The following SLC35F1 variants were observed in gnomAD, a reference collection of about 807,000 sequenced individuals.
SLC35F1 encodes solute carrier family 35 member F1.
A neutral mutation model predicts 48.7 loss-of-function variants in SLC35F1; 14 were observed. That is an observed-to-expected ratio of 0.29 (90% CI 0.19 to 0.45). The LOEUF (loss-of-function observed/expected upper bound fraction) is 0.45. Among genes scored for constraint, SLC35F1 ranks in the 20% least tolerant of loss-of-function variants. The probability of loss-of-function intolerance (pLI) is 1.00; values close to 1 mark genes in which losing one functional copy is unlikely to be tolerated. For synonymous variants in SLC35F1, 190 were observed against 202.2 expected, an observed-to-expected ratio of 0.94 and a Z score of 0.51; for missense variants, 404 against 500.0, an observed-to-expected ratio of 0.81 and a Z score of 1.83.
At chr6:118,244,967 A>G (rs1009963679) in intron 3 of SLC35F1, among the ~76,000 whole-genome samples, 5 of 152,226 alleles carry the variant, frequency 3.3e-5, no homozygotes, top group African/African-American at 1.2e-4. Context: ...TTTTATCACT[A>G]GTAAGTGCAT....
At chr6:118,304,456 C>G (rs764502520) in intron 7 of SLC35F1, among the ~76,000 whole-genome samples, 8 of 151,930 alleles carry the variant, frequency 5.3e-5, no homozygotes, top group Non-Finnish European at 1.2e-4. Context: ...AACATGGAGT[C>G]TATAAGCCAG....
chr6:118,178,763 G>C (rs73766452), intron 2 of SLC35F1, among the ~76,000 whole-genome samples: 4,789 of 152,158 alleles, frequency 0.031, 256 homozygotes, highest in African/African-American at 0.11. Flanking sequence ...GTCCCTCTGA[G>C]AGTGGGTTTG....
intron 7 of SLC35F1, among the ~76,000 whole-genome samples, chr6:118,295,766 TAGG>T (rs539468144): frequency 5.3e-5 from 8 of 152,274 alleles, no homozygotes; most frequent in African/African-American, 1.9e-4. Flanking sequence ...TAATTAGAAA[TAGG>T]AGATTTAAAA....
intron 3 of SLC35F1, among the ~76,000 whole-genome samples, chr6:118,253,948 C>T (rs998589055): frequency 6.6e-6 from 1 of 151,672 alleles, no homozygotes; most frequent in African/African-American, 2.4e-5. Context: ...AAGACCAGGA[C>T]TTGTATGGTG....
chr6:118,086,452 T>C (rs1772991652), intron 1 of SLC35F1, among the ~76,000 whole-genome samples: 1 of 152,236 alleles, frequency 6.6e-6, no homozygotes, highest in Non-Finnish European at 1.5e-5. Context: ...CCATGTGCTC[T>C]CTTTTGTTAT....
chr6:118,281,309 G>T (rs1419457758), intron 6 of SLC35F1, among the ~76,000 whole-genome samples: 4 of 151,660 alleles, frequency 2.6e-5, no homozygotes, highest in African/African-American at 9.7e-5. Context: ...CAATATAGAT[G>T]AGTGTTATGT....
chr6:118,236,012 A>G (rs1471764233), intron 3 of SLC35F1, among the ~76,000 whole-genome samples: 1 of 151,246 alleles, frequency 6.6e-6, no homozygotes, highest in Non-Finnish European at 1.5e-5. Context: ...ATATAAAAAC[A>G]AATCAATTTT....
At chr6:118,158,696 T>A (rs1234115287) in intron 2 of SLC35F1, among the ~76,000 whole-genome samples, 1 of 152,186 alleles carries the variant, frequency 6.6e-6, no homozygotes, top group African/African-American at 2.4e-5. Context: ...ATTCTCCCTA[T>A]CAAAATTTCA....
At chr6:117,977,825 T>C (rs1402386972) in intron 1 of SLC35F1, among the ~76,000 whole-genome samples, 4 of 152,136 alleles carry the variant, frequency 2.6e-5, no homozygotes, top group African/African-American at 9.7e-5. Context: ...GATATTGAGG[T>C]AATTCTTTAT....
chr6:118,206,092 G>A (rs565047101), intron 2 of SLC35F1, among the ~76,000 whole-genome samples: 10 of 152,136 alleles, frequency 6.6e-5, no homozygotes, highest in Admixed American at 2.6e-4. Context: ...GTAAATGTAT[G>A]GCTATATGAT....
At chr6:118,103,092 C>T (rs1204699677) in intron 1 of SLC35F1, among the ~76,000 whole-genome samples, 1 of 152,000 alleles carries the variant, frequency 6.6e-6, no homozygotes, top group Non-Finnish European at 1.5e-5. Flanking sequence ...GCAGGTGCCC[C>T]CTCCCAAGAA....
At chr6:117,985,115 T>A (rs1776832278) in intron 1 of SLC35F1, among the ~76,000 whole-genome samples, 6 of 152,240 alleles carry the variant, frequency 3.9e-5, no homozygotes, top group Admixed American at 3.9e-4. Flanking sequence ...TGTAGTTGCC[T>A]GAGCTTTTGA....
chr6:118,159,386 A>G (rs1774194036), intron 2 of SLC35F1, among the ~76,000 whole-genome samples: 5 of 152,194 alleles, frequency 3.3e-5, no homozygotes, highest in Admixed American at 3.3e-4. Flanking sequence ...TCAATAGCTT[A>G]ATTGTAACCA....
At chr6:118,149,863 A>T (rs1246684917) in intron 1 of SLC35F1, among the ~76,000 whole-genome samples, 1 of 152,212 alleles carries the variant, frequency 6.6e-6, no homozygotes, top group Admixed American at 6.5e-5. Context: ...AAGAGTTTTC[A>T]TCAGAGGGTC....
chr6:118,187,361 T>C (rs1334976002), intron 2 of SLC35F1, among the ~76,000 whole-genome samples: 4 of 152,112 alleles, frequency 2.6e-5, no homozygotes, highest in Admixed American at 6.5e-5. Flanking sequence ...TTCCCTCAGA[T>C]GTAAGAAAAA....
At chr6:118,208,096 T>G (rs1469365613) in intron 2 of SLC35F1, among the ~76,000 whole-genome samples, 1 of 148,136 alleles carries the variant, frequency 6.8e-6, no homozygotes, top group African/African-American at 2.5e-5. Flanking sequence ...TACACACACA[T>G]GCACGCACAC....
At chr6:117,977,558 A>G (rs576505449) in intron 1 of SLC35F1, among the ~76,000 whole-genome samples, 1 of 151,412 alleles carries the variant, frequency 6.6e-6, no homozygotes, top group African/African-American at 2.4e-5. Flanking sequence ...TTCCTTTTTT[A>G]TAAATTATCT....
At chr6:118,058,964 G>C (rs566112712) in intron 1 of SLC35F1, among the ~76,000 whole-genome samples, 1 of 152,224 alleles carries the variant, frequency 6.6e-6, no homozygotes, top group African/African-American at 2.4e-5. Context: ...ATAATAAAAG[G>C]TGTCACAAAG....
At chr6:118,036,968 G>T (rs943007565) in intron 1 of SLC35F1, among the ~76,000 whole-genome samples, 1 of 152,044 alleles carries the variant, frequency 6.6e-6, no homozygotes, top group Non-Finnish European at 1.5e-5. Context: ...GTTAATTTTT[G>T]TAACATATAT....
Sources: allele counts gnomAD v4.1 joint callset (sites outside exome capture counted in the v4.1 genomes callset), GRCh38; gene constraint gnomAD v4.1.1; transcripts MANE v1.5; gene names NCBI Gene and HGNC (gene_info 2026-07-23, HGNC 2026-07-21).